Variants in DNAH14 observed in about 807,000 individuals in gnomAD.
The protein encoded by DNAH14 is dynein axonemal heavy chain 14, also known as axonemal beta dynein heavy chain 14.
Under a neutral mutation model 520.9 loss-of-function variants are expected in DNAH14, and 478 were observed. The ratio of observed to expected loss-of-function variants is 0.92; its 90% confidence interval spans 0.85 to 0.99. The LOEUF (loss-of-function observed/expected upper bound fraction) is 0.99, where lower values mean the gene tolerates loss of function less well. Ranked by LOEUF, DNAH14 falls within the 50% of genes least tolerant of loss-of-function variation. The probability of loss-of-function intolerance (pLI) is 0.00; values close to 1 mark genes in which losing one functional copy is unlikely to be tolerated. For synonymous variants in DNAH14, 1,581 were observed against 1,757.2 expected (o/e 0.90, Z 2.51); for missense variants, 4,831 against 5,234.5 (o/e 0.92, Z 2.38).
intron 53 of DNAH14, among the ~76,000 whole-genome samples, chr1:225,276,696 G>C (rs563327158): frequency 6.6e-6 from 1 of 151,698 alleles, no homozygotes; most frequent in Non-Finnish European, 1.5e-5. Context: ...CCAGGAGTTT[G>C]AGACCAGTCT....
intron 61 of DNAH14, among the ~76,000 whole-genome samples, chr1:225,320,777 C>T (rs1375945339): frequency 6.6e-6 from 1 of 152,200 alleles, no homozygotes; most frequent in African/African-American, 2.4e-5. Context: ...CAGACTAATT[C>T]TGTGAAGTAA....
chr1:225,357,666 A>G (rs1308455038), intron 73 of DNAH14: 3 of 551,114 alleles, frequency 5.4e-6, no homozygotes, highest in African/African-American at 1.9e-5. Flanking sequence ...AGAATTCAGC[A>G]TAATGATTAA....
intron 33 of DNAH14, among the ~76,000 whole-genome samples, chr1:225,153,176 A>T (rs1421534902): frequency 6.6e-6 from 1 of 152,150 alleles, no homozygotes; most frequent in Non-Finnish European, 1.5e-5. Flanking sequence ...CCATACAAGG[A>T]AGTTAACATC....
At chr1:225,054,532 C>G (rs1452442044) in intron 17 of DNAH14, among the ~76,000 whole-genome samples, 1 of 152,092 alleles carries the variant, frequency 6.6e-6, no homozygotes. Context: ...TATATTTCCT[C>G]TATATCCTTA....
intron 74 of DNAH14, among the ~76,000 whole-genome samples, chr1:225,359,447 C>CTT (rs59255418): frequency 2.0e-5 from 3 of 151,882 alleles, no homozygotes; most frequent in African/African-American, 4.8e-5. Flanking sequence ...ACTCCAAATG[C>CTT]TTTTTTTTGT....
At chr1:225,172,533 G>A (rs368760608) in intron 36 of DNAH14, among the ~76,000 whole-genome samples, 1 of 152,136 alleles carries the variant, frequency 6.6e-6, no homozygotes, top group Admixed American at 6.5e-5. Flanking sequence ...AGAGAATAAA[G>A]TACCTAGGAA....
At chr1:225,365,328 G>T (rs1301708706) in intron 76 of DNAH14, among the ~76,000 whole-genome samples, 1 of 152,164 alleles carries the variant, frequency 6.6e-6, no homozygotes, top group Non-Finnish European at 1.5e-5. Context: ...CCACTATTGA[G>T]GCTGAATAAA....
intron 21 of DNAH14, among the ~76,000 whole-genome samples, chr1:225,091,137 G>A (rs2148659012): frequency 6.6e-6 from 1 of 152,162 alleles, no homozygotes; most frequent in Middle Eastern, 3.4e-3. Context: ...TGAAAGAGAG[G>A]GAGAGAAAGA....
rs575629079 is a variant in DNAH14 at position 225,266,122 on chromosome 1, G to A, written c.7411-519G>A. 1.1e-4 allele frequency among the ~76,000 whole-genome samples: 16 copies of A among 152,168 alleles called. No homozygotes were observed. The East Asian group carries it at 2.9e-3, about 28-fold the overall frequency. On this transcript the variant is annotated intron_variant, in intron 48 of 85. Coordinates refer to ENST00000682510, the MANE Select transcript of DNAH14 (RefSeq NM_001367479.1). ...GACATTAACACAGGTTTAAAATTTGGAAATGTGTCTGAATTTTCTGCTTGT... is the reference window on the plus strand; with the variant it reads ...GACATTAACACAGGTTTAAAATTTGAAAATGTGTCTGAATTTTCTGCTTGT...
At chr1:225,061,723 A>C (rs1177980193) in intron 17 of DNAH14, among the ~76,000 whole-genome samples, 2 of 152,146 alleles carry the variant, frequency 1.3e-5, no homozygotes, top group Non-Finnish European at 2.9e-5. Flanking sequence ...TCCTGGCCTC[A>C]AGTGATCCTT....
intron 77 of DNAH14, 35 bp from the exon 78 acceptor site, chr1:225,374,650 ACAT>A: frequency 6.8e-7 from 1 of 1,478,466 alleles, no homozygotes; most frequent in Non-Finnish European, 9.1e-7. Context: ...AGCTGGAAAC[ACAT>A]ACTGAAATAA....
rs575959770 is a variant in DNAH14 at position 225,369,343 on chromosome 1, G to A, written c.12318+1311G>A. Among the ~76,000 whole-genome samples, 456 of 151,862 alleles carry A rather than the reference G, an allele frequency of 3.0e-3. 3 individuals are homozygous for A. The highest frequency in any genetic ancestry group is 0.01 in the African/African-American group (422 of 41,438). Reference sequence around the variant, plus strand: ...AAACCCAGAAATGTGCAATTTATACGAAAAAGTGAAATTAATGAAGAAATT... The same window carrying A: ...AAACCCAGAAATGTGCAATTTATACAAAAAAGTGAAATTAATGAAGAAATT... On this transcript the variant is annotated intron_variant, in intron 77 of 85. Transcript: ENST00000682510.
chr1:225,205,459 A>C (rs529822835), intron 39 of DNAH14, among the ~76,000 whole-genome samples: 1 of 152,326 alleles, frequency 6.6e-6, no homozygotes, highest in South Asian at 2.1e-4. Flanking sequence ...AAATGTCTAT[A>C]GTTTATAAGC....
intron 41 of DNAH14, among the ~76,000 whole-genome samples, chr1:225,222,371 C>T (rs571922677): frequency 8.0e-4 from 121 of 152,062 alleles, no homozygotes; most frequent in Non-Finnish European, 8.5e-4. Flanking sequence ...TTCATGGTCT[C>T]GCTGACTTCA....
At chr1:224,998,398 T>C (rs1297125746) in intron 8 of DNAH14, among the ~76,000 whole-genome samples, 1 of 152,118 alleles carries the variant, frequency 6.6e-6, no homozygotes, top group African/African-American at 2.4e-5. Context: ...CTCTTTAATG[T>C]AAGCATTCAG....
intron 41 of DNAH14, among the ~76,000 whole-genome samples, chr1:225,210,492 A>G (rs1340759673): frequency 2.0e-5 from 3 of 151,688 alleles, no homozygotes; most frequent in African/African-American, 7.3e-5. Context: ...CATTTCTGAA[A>G]GAAAGGCAGC....
chr1:225,307,671 C>T, intron 59 of DNAH14, 102 bp downstream of exon 59: 1 of 882,886 alleles, frequency 1.1e-6, no homozygotes, highest in East Asian at 2.9e-5. Context: ...GCTAGAATTC[C>T]AGCTTTGTTA....
chr1:225,049,747 T>G (rs2148295333), intron 15 of DNAH14, among the ~76,000 whole-genome samples: 1 of 149,688 alleles, frequency 6.7e-6, no homozygotes, highest in South Asian at 2.1e-4. Context: ...GGTTGAGGTT[T>G]GTTTATCTAT....
chr1:225,309,396 G>A, intron 60 of DNAH14, among the ~76,000 whole-genome samples: 1 of 152,166 alleles, frequency 6.6e-6, no homozygotes, highest in East Asian at 1.9e-4. Flanking sequence ...GGTAACAGAA[G>A]AGGCAAATCC....
Sources: gnomAD v4.1 joint callset for allele counts (sites outside exome capture counted in the v4.1 genomes callset) on GRCh38, gnomAD v4.1.1 for gene constraint, MANE v1.5 for transcripts, NCBI Gene and HGNC (gene_info 2026-07-23, HGNC 2026-07-21) for gene names.